The following ARFIP1 variants were observed in gnomAD, a reference collection of about 807,000 sequenced individuals.
The protein encoded by ARFIP1 is ARF interacting protein 1.
A neutral mutation model predicts 42.5 loss-of-function variants in ARFIP1; 24 were observed. That is an observed-to-expected ratio of 0.57 (90% CI 0.41 to 0.80). The LOEUF is 0.80. ARFIP1 is among the 30% of genes least tolerant of loss of function. The pLI is 0.00. For synonymous variants in ARFIP1, 141 were observed against 153.7 expected, an observed-to-expected ratio of 0.92 and a Z score of 0.61; for missense variants, 354 against 434.0, an observed-to-expected ratio of 0.82 and a Z score of 1.64.
intron 1 of ARFIP1, among the ~76,000 whole-genome samples, chr4:152,789,164 C>T (rs971511927): frequency 5.6e-5 from 8 of 142,390 alleles, no homozygotes; most frequent in African/African-American, 2.1e-4. Context: ...AATCTCGGCT[C>T]ACTGCAACCT....
chr4:152,790,667 T>C (rs1731091567), intron 1 of ARFIP1, among the ~76,000 whole-genome samples: 1 of 152,058 alleles, frequency 6.6e-6, no homozygotes, highest in Non-Finnish European at 1.5e-5. Context: ...TGCATATAAT[T>C]CAGAAGTAAC....
At chr4:152,884,858 A>G (rs546684135) in intron 7 of ARFIP1, among the ~76,000 whole-genome samples, 26 of 152,168 alleles carry the variant, frequency 1.7e-4, no homozygotes, top group African/African-American at 6.3e-4. Flanking sequence ...ATTATAAAAT[A>G]CAGTATATAG....
At chr4:152,856,563 A>G (rs62319912) in intron 2 of ARFIP1, among the ~76,000 whole-genome samples, 4 of 152,220 alleles carry the variant, frequency 2.6e-5, no homozygotes, top group African/African-American at 9.6e-5. Context: ...GAGGATGTGT[A>G]TAGAGTATAG....
intron 8 of ARFIP1, among the ~76,000 whole-genome samples, chr4:152,908,446 C>T (rs1738551537): frequency 6.6e-6 from 1 of 152,028 alleles, no homozygotes; most frequent in South Asian, 2.1e-4. Flanking sequence ...CCCGTCTCTA[C>T]TAAAATACAA....
chr4:152,788,069 A>G (rs951837021), intron 1 of ARFIP1, among the ~76,000 whole-genome samples: 14 of 151,568 alleles, frequency 9.2e-5, no homozygotes, highest in African/African-American at 3.4e-4. Context: ...CTACTAAAAA[A>G]TATACATATA....
At chr4:152,891,604 T>G (rs1332777445) in intron 8 of ARFIP1, among the ~76,000 whole-genome samples, 1 of 152,110 alleles carries the variant, frequency 6.6e-6, no homozygotes, top group East Asian at 1.9e-4. Flanking sequence ...CAAGTCTAGG[T>G]TTTTTGTTCT....
chr4:152,866,274 A>G (rs957708595), intron 3 of ARFIP1, among the ~76,000 whole-genome samples: 3 of 152,370 alleles, frequency 2.0e-5, no homozygotes, highest in African/African-American at 7.2e-5. Context: ...ACTTCTTTCT[A>G]CACAGACACA....
chr4:152,809,060 A>AT (rs796160939), intron 1 of ARFIP1, among the ~76,000 whole-genome samples: 8 of 152,346 alleles, frequency 5.3e-5, no homozygotes, highest in African/African-American at 1.9e-4. Context: ...CAAAAAAAAA[A>AT]TAAGTGGCAA....
At chr4:152,903,213 A>G (rs1737995835) in intron 8 of ARFIP1, among the ~76,000 whole-genome samples, 1 of 152,210 alleles carries the variant, frequency 6.6e-6, no homozygotes, top group Admixed American at 6.5e-5. Context: ...TTTTTAATTC[A>G]TTTAGTTGAA....
chr4:152,790,564 A>T (rs1458731586), intron 1 of ARFIP1, among the ~76,000 whole-genome samples: 3 of 152,204 alleles, frequency 2.0e-5, no homozygotes, highest in Non-Finnish European at 4.4e-5. Context: ...ACTTCTGCAG[A>T]CAGTCAGTTT....
rs1256869897 is a variant in ARFIP1, at chr4:152,866,459, C to T, written c.202+2745C>T. ...AGTAGGGGCGGCCGGGCAGAGGCGCCCCTCACCTCCCGGACGGGGCAGCTG... is the reference window on the plus strand; with the variant it reads ...AGTAGGGGCGGCCGGGCAGAGGCGCTCCTCACCTCCCGGACGGGGCAGCTG... On this transcript the variant is annotated intron_variant, in intron 3 of 8. Coordinates refer to ENST00000353617, the MANE Select transcript of ARFIP1 (RefSeq NM_001025595.3). 2.7e-5 allele frequency among the ~76,000 whole-genome samples: 4 copies of T among 148,076 alleles called. No individual in the cohort carries two copies. The South Asian group carries it at 6.5e-4, about 24-fold the overall frequency.
At chr4:152,847,850 T>TA (rs1732686771) in intron 2 of ARFIP1, among the ~76,000 whole-genome samples, 1 of 152,194 alleles carries the variant, frequency 6.6e-6, no homozygotes, top group African/African-American at 2.4e-5. Context: ...TCCTTAGACC[T>TA]AGCTAAAATG....
At chr4:152,781,972 G>T (rs1163513012) in intron 1 of ARFIP1, among the ~76,000 whole-genome samples, 1 of 152,206 alleles carries the variant, frequency 6.6e-6, no homozygotes, top group Non-Finnish European at 1.5e-5. Flanking sequence ...AATTCTCAAA[G>T]GAGATATACA....
At chr4:152,832,693 G>A (rs1042809775) in intron 2 of ARFIP1, among the ~76,000 whole-genome samples, 2 of 152,128 alleles carry the variant, frequency 1.3e-5, no homozygotes, top group Non-Finnish European at 2.9e-5. Context: ...TCTAAAAGTT[G>A]TGTTGTTTTG....
intron 2 of ARFIP1, among the ~76,000 whole-genome samples, chr4:152,832,308 T>G (rs569359589): frequency 3.3e-5 from 5 of 152,374 alleles, no homozygotes; most frequent in African/African-American, 9.6e-5. Flanking sequence ...ATTGTGGTTA[T>G]AAAATGCTGT....
At chr4:152,824,645 G>A (rs573420988) in intron 1 of ARFIP1, among the ~76,000 whole-genome samples, 3 of 152,250 alleles carry the variant, frequency 2.0e-5, no homozygotes, top group South Asian at 2.1e-4. Context: ...AAGCATGCCC[G>A]CTTTCACTGC....
chr4:152,799,560 T>C (rs527996883), intron 1 of ARFIP1, among the ~76,000 whole-genome samples: 8 of 152,362 alleles, frequency 5.3e-5, no homozygotes, highest in South Asian at 4.1e-4. Context: ...TTGCACAATA[T>C]GTATTCCTTG....
chr4:152,904,174 G>GTATATATATATATATATATATA (rs1271864223), intron 8 of ARFIP1, among the ~76,000 whole-genome samples: 8 of 45,238 alleles, frequency 1.8e-4, no homozygotes, highest in African/African-American at 5.3e-4. Context: ...ATATATGTGT[G>GTATATATATATATATATATATA]TGTGTGTATA....
chr4:152,869,211 G>GA (rs1159696735), intron 3 of ARFIP1, among the ~76,000 whole-genome samples: 1 of 151,992 alleles, frequency 6.6e-6, no homozygotes, highest in Non-Finnish European at 1.5e-5. Flanking sequence ...TAATAGTAAA[G>GA]AAAGTAGACA....
Sources: allele counts gnomAD v4.1 joint callset (sites outside exome capture counted in the v4.1 genomes callset), GRCh38; gene constraint gnomAD v4.1.1; transcripts MANE v1.5; gene names NCBI Gene and HGNC (gene_info 2026-07-23, HGNC 2026-07-21).